Variants in FAM114A2 observed in about 807,000 individuals in gnomAD.
The protein encoded by FAM114A2 is protein FAM114A2.
Under a neutral mutation model 58.4 loss-of-function variants are expected in FAM114A2, and 53 were observed. That is an observed-to-expected ratio of 0.91 (90% CI 0.73 to 1.14). FAM114A2 has a LOEUF of 1.14. FAM114A2 is among the 50% of genes most tolerant of loss of function. FAM114A2 has a pLI of 0.00. For missense variants in FAM114A2, 601 were observed against 581.1 expected (o/e 1.03, Z -0.35); for synonymous variants, 228 against 211.4 (o/e 1.08, Z -0.68).
chr5:154,003,228 G>T (rs566638413), intron 9 of FAM114A2, among the ~76,000 whole-genome samples: 1 of 150,446 alleles, frequency 6.6e-6, no homozygotes, highest in Admixed American at 6.6e-5. Flanking sequence ...GCCCAGGCTG[G>T]AGTGCAATGG....
intron 9 of FAM114A2, among the ~76,000 whole-genome samples, chr5:154,010,043 T>C (rs1165750301): frequency 2.0e-5 from 3 of 152,234 alleles, no homozygotes; most frequent in Admixed American, 6.5e-5. Flanking sequence ...ACTGTGGTTA[T>C]GTAAGGGAAT....
chr5:154,014,136 G>A lies in FAM114A2; in HGVS notation c.914-2816C>T, dbSNP rs116372450. 2.6e-3 allele frequency among the ~76,000 whole-genome samples: 394 copies of A among 152,274 alleles called. 2 individuals are homozygous for A. Among genetic ancestry groups the A allele is most frequent in the African/African-American group, 9.3e-3 (386 of 41,546 alleles). On this transcript the variant is annotated intron_variant, in intron 8 of 13. Coordinates refer to ENST00000351797, the MANE Select transcript of FAM114A2 (RefSeq NM_018691.4). ...GGCAGCTTTAGAAACTTGTATTCAAGAACCGTTTTCCAATCAGGACAAGTA... is the reference window on the plus strand; with the variant it reads ...GGCAGCTTTAGAAACTTGTATTCAAAAACCGTTTTCCAATCAGGACAAGTA...
intron 8 of FAM114A2, among the ~76,000 whole-genome samples, chr5:154,021,301 C>A (rs904560789): frequency 2.0e-5 from 3 of 151,924 alleles, no homozygotes; most frequent in Non-Finnish European, 4.4e-5. Flanking sequence ...GGCCAGGGCA[C>A]TCAGGCAAGA....
At chr5:154,013,502 G>C (rs559284928) in intron 8 of FAM114A2, among the ~76,000 whole-genome samples, 1 of 152,314 alleles carries the variant, frequency 6.6e-6, no homozygotes, top group African/African-American at 2.4e-5. Flanking sequence ...TGAGTGGTGG[G>C]GGGAATCCAG....
At chr5:154,007,469 G>A (rs1227446172) in intron 9 of FAM114A2, among the ~76,000 whole-genome samples, 2 of 152,158 alleles carry the variant, frequency 1.3e-5, no homozygotes, top group Admixed American at 6.5e-5. Flanking sequence ...ATCACAGCCT[G>A]CCATATAAAT....
At chr5:154,029,231 C>G (rs181724580) in intron 5 of FAM114A2, among the ~76,000 whole-genome samples, 4 of 152,070 alleles carry the variant, frequency 2.6e-5, no homozygotes. Flanking sequence ...TAAAATAATA[C>G]GTATATTGCC....
At chr5:154,028,082 A>G (rs1771916304) in intron 6 of FAM114A2, 67 bp downstream of exon 6, 5 of 1,372,192 alleles carry the variant, frequency 3.6e-6, no homozygotes, top group Non-Finnish European at 4.9e-6. Flanking sequence ...CAAGGTTCCA[A>G]GTAAACAAAG....
At chr5:154,028,515 T>C (rs768086801) in intron 5 of FAM114A2, among the ~76,000 whole-genome samples, 1 of 152,168 alleles carries the variant, frequency 6.6e-6, no homozygotes, top group Non-Finnish European at 1.5e-5. Flanking sequence ...ATTCCACTCA[T>C]GGTTACATCC....
intron 4 of FAM114A2, among the ~76,000 whole-genome samples, chr5:154,032,689 T>C (rs1386600992): frequency 6.6e-6 from 1 of 152,224 alleles, no homozygotes; most frequent in Non-Finnish European, 1.5e-5. Flanking sequence ...ACTTCCCATC[T>C]ACTTCATTCC....
Position 153,997,910 on chromosome 5 carries a change from CT to C in FAM114A2, c.1257-36del, listed in dbSNP as rs771715412. The C allele has an allele frequency of 7.7e-6, 10 of 1,299,036 alleles. No individual in the cohort carries two copies. In the Admixed American group the frequency reaches 9.7e-5, roughly 13 times the overall value. 80.5% of individuals were successfully genotyped at this position (1,299,036 alleles called of 1,614,324 possible). ...AAAGGAAAAGTCAGAAACGTTTTTT[CT>C]TTTTTTAAAAAAATAAGTTATATTT... On this transcript the variant is annotated intron_variant, in intron 11 of 13. Coordinates refer to ENST00000351797, the MANE Select transcript of FAM114A2 (RefSeq NM_018691.4).
rs1769283468 is a variant in FAM114A2, at chr5:153,992,213, C to T, written c.*763G>A. ...AGACACGAAACACATCCTGAAGAGA[C>T]TCAGAATATCTGCAAACATAAAACT... is the stretch of plus-strand genomic sequence containing the variant. On this transcript the variant is annotated 3_prime_UTR_variant, in exon 14 of 14. Transcript: ENST00000351797. 1.3e-5 allele frequency: 2 copies of T among 152,188 alleles called. No individual in the cohort carries two copies. Among genetic ancestry groups the T allele is most frequent in the Non-Finnish European group, 2.9e-5 (2 of 68,034 alleles). The allele number at this position is 152,188 out of a possible 1,614,324, so 9.4% of individuals were successfully genotyped here.
At chr5:154,029,672 C>G (rs961235837) in intron 4 of FAM114A2, 92 bp from the exon 5 acceptor site, 1 of 662,312 alleles carries the variant, frequency 1.5e-6, no homozygotes. Flanking sequence ...AAAACTAGAC[C>G]CTGCTTACTA....
In FAM114A2 at chr5:154,000,588, A is replaced by G. The variant is rs1315548391; in HGVS notation, c.1256+1663T>C. 2.0e-5 allele frequency among the ~76,000 whole-genome samples: 3 copies of G among 152,318 alleles called. No homozygotes were observed. The East Asian group carries it at 5.8e-4, about 29-fold the overall frequency. On this transcript the variant is annotated intron_variant, in intron 11 of 13. Transcript: ENST00000351797. ...GGCAATCAAGTTTGGTACTATCCAC[A>G]GTTTCAGGAATCCACTAGGGACTTA... is the stretch of plus-strand genomic sequence containing the variant.
intron 9 of FAM114A2, among the ~76,000 whole-genome samples, chr5:154,004,766 C>T (rs4360089): frequency 6.6e-6 from 1 of 152,080 alleles, no homozygotes; most frequent in Non-Finnish European, 1.5e-5. Context: ...GAGTTCAGAT[C>T]CACTTCATGA....
chr5:154,011,441 T>C (rs1383743186), intron 8 of FAM114A2, 121 bp from the exon 9 acceptor site: 5 of 644,788 alleles, frequency 7.8e-6, no homozygotes, highest in Non-Finnish European at 1.1e-5. Context: ...ATAACAATAG[T>C]AGCAGCAGTA....
At chr5:154,001,749 A>G (rs968764348) in intron 11 of FAM114A2, among the ~76,000 whole-genome samples, 1 of 152,184 alleles carries the variant, frequency 6.6e-6, no homozygotes, top group Non-Finnish European at 1.5e-5. Flanking sequence ...GGTTCAGGAC[A>G]CTCAGTCAGA....
chr5:154,036,820 C>T (rs556927029), intron 1 of FAM114A2: 1 of 152,272 alleles, frequency 6.6e-6, no homozygotes, highest in South Asian at 2.1e-4. Context: ...TTAACCTTTG[C>T]AAAAACTAGA....
At chr5:154,027,008 T>G (rs1324332232) in intron 7 of FAM114A2, among the ~76,000 whole-genome samples, 168 bp downstream of exon 7, 1 of 152,150 alleles carries the variant, frequency 6.6e-6, no homozygotes, top group Non-Finnish European at 1.5e-5. Context: ...AGCAATTAGT[T>G]CAATCAAACA....
chr5:154,028,040 A>G, intron 6 of FAM114A2, 109 bp downstream of exon 6: 1 of 1,017,560 alleles, frequency 9.8e-7, no homozygotes, highest in African/African-American at 1.6e-5. Flanking sequence ...CTGAATAAAC[A>G]TTATTGAAAA....
Sources: allele counts gnomAD v4.1 joint callset (sites outside exome capture counted in the v4.1 genomes callset), GRCh38; gene constraint gnomAD v4.1.1; transcripts MANE v1.5; gene names NCBI Gene and HGNC (gene_info 2026-07-23, HGNC 2026-07-21).